DLG2: variants seen among roughly 807,000 people sequenced by gnomAD.
The protein encoded by DLG2 is disks large homolog 2.
Under a neutral mutation model 132.5 loss-of-function variants are expected in DLG2, and 45 were observed. That is an observed-to-expected ratio of 0.34 (90% CI 0.27 to 0.44). DLG2 has a LOEUF of 0.44. DLG2 is among the 20% of genes least tolerant of loss of function. The probability of loss-of-function intolerance (pLI) is 1.00; values close to 1 mark genes in which losing one functional copy is unlikely to be tolerated. For synonymous variants in DLG2, 424 were observed against 419.6 expected, an observed-to-expected ratio of 1.01 and a Z score of -0.13; for missense variants, 1,045 against 1,196.9, an observed-to-expected ratio of 0.87 and a Z score of 1.87.
intron 6 of DLG2, among the ~76,000 whole-genome samples, chr11:85,090,830 T>C (rs559089356): frequency 6.6e-6 from 1 of 152,222 alleles, no homozygotes; most frequent in Non-Finnish European, 1.5e-5. Flanking sequence ...ACTGAGTAAT[T>C]TATAAAGAAA....
At chr11:83,867,431 A>G (rs139078517) in intron 16 of DLG2, among the ~76,000 whole-genome samples, 133 of 152,216 alleles carry the variant, frequency 8.7e-4, no homozygotes, top group African/African-American at 2.8e-3. Context: ...TTCTTTTTGA[A>G]CTTTAGAGTC....
At chr11:83,787,312 GTTTTTT>G (rs67059010) in intron 17 of DLG2, among the ~76,000 whole-genome samples, 1 of 69,616 alleles carries the variant, frequency 1.4e-5, no homozygotes, top group Non-Finnish European at 2.7e-5. Context: ...CTTAAGCCTT[GTTTTTT>G]TTTTGTTTTT....
intron 7 of DLG2, among the ~76,000 whole-genome samples, chr11:84,384,653 T>C (rs1405604104): frequency 1.3e-5 from 2 of 151,984 alleles, no homozygotes; most frequent in African/African-American, 4.8e-5. Flanking sequence ...AATGACATGA[T>C]AACTATATTA....
At position 83,609,634 on chromosome 11, in the gene DLG2, A is replaced by C. The variant is rs545626381; in HGVS notation, c.1940+23577T>G. On this transcript the variant is annotated intron_variant, in intron 19 of 27. Coordinates refer to ENST00000376104, the MANE Select transcript of DLG2 (RefSeq NM_001142699.3). Reference sequence around the variant, plus strand: ...ATAAGGGCATGTGTGGGATCTTTGCATGCATCCTCCCTTCTCCCCACTCTC... The same window carrying C: ...ATAAGGGCATGTGTGGGATCTTTGCCTGCATCCTCCCTTCTCCCCACTCTC... Among the ~76,000 whole-genome samples the C allele has an allele frequency of 3.9e-5, 6 of 152,254 alleles. No individual in the cohort carries two copies. The South Asian group carries it at 1.0e-3, about 26-fold the overall frequency.
intron 2 of DLG2, among the ~76,000 whole-genome samples, chr11:85,619,154 G>A (rs2153276151): frequency 6.6e-6 from 1 of 152,226 alleles, no homozygotes; most frequent in Admixed American, 6.5e-5. Context: ...AGAGTCTATA[G>A]CTTATCCAAG....
chr11:84,733,766 T>G (rs1375481659), intron 6 of DLG2, among the ~76,000 whole-genome samples: 1 of 152,174 alleles, frequency 6.6e-6, no homozygotes, highest in African/African-American at 2.4e-5. Context: ...TTTTTATGGT[T>G]TTAGGTCTAA....
chr11:83,825,330 C>T (rs1277706071), intron 17 of DLG2, among the ~76,000 whole-genome samples: 1 of 151,384 alleles, frequency 6.6e-6, no homozygotes, highest in Non-Finnish European at 1.5e-5. Context: ...TATAGGCATG[C>T]ACCACCACGT....
intron 2 of DLG2, among the ~76,000 whole-genome samples, chr11:85,622,483 T>C (rs1326370870): frequency 6.6e-6 from 1 of 151,772 alleles, no homozygotes; most frequent in Non-Finnish European, 1.5e-5. Context: ...AAACAGAGTA[T>C]ACCCGATAAC....
intron 17 of DLG2, among the ~76,000 whole-genome samples, chr11:83,823,249 C>T (rs1325571772): frequency 3.3e-5 from 5 of 152,044 alleles, no homozygotes; most frequent in East Asian, 1.9e-4. Flanking sequence ...ACTCTTTGCA[C>T]GATTTCCCCT....
chr11:84,120,104 G>A (rs1158562471), intron 9 of DLG2, among the ~76,000 whole-genome samples: 1 of 152,138 alleles, frequency 6.6e-6, no homozygotes, highest in Non-Finnish European at 1.5e-5. Flanking sequence ...TTTCAGTGAG[G>A]TGGATATTCT....
intron 10 of DLG2, among the ~76,000 whole-genome samples, chr11:84,081,683 G>A (rs949914283): frequency 2.0e-5 from 3 of 152,216 alleles, no homozygotes; most frequent in East Asian, 1.9e-4. Context: ...ATTCCATGGT[G>A]TGTATTTGCC....
intron 3 of DLG2, among the ~76,000 whole-genome samples, chr11:85,347,763 C>T (rs1202386868): frequency 1.3e-5 from 2 of 150,992 alleles, no homozygotes; most frequent in Non-Finnish European, 2.9e-5. Flanking sequence ...TGACTTTTTC[C>T]CCCTATCAAG....
At chr11:84,169,404 T>G (rs745323303) in intron 8 of DLG2, among the ~76,000 whole-genome samples, 6 of 152,200 alleles carry the variant, frequency 3.9e-5, no homozygotes, top group Non-Finnish European at 5.9e-5. Flanking sequence ...TACTGAATGT[T>G]TGCTAATTTC....
rs1247592493 is a variant in DLG2, at chr11:83,658,477, AAC to A, written c.1826-25154_1826-25153del. On this transcript the variant is annotated intron_variant, in intron 18 of 27. Transcript: ENST00000376104. The stretch of plus-strand genomic sequence containing the variant: ...GCTTCACAGAATGACAATGATAATA[AAC>A]AGTTATTCTTAGTAGCTAAAGTATA... Among the ~76,000 whole-genome samples, 3 of 152,364 alleles carry A rather than the reference AAC, an allele frequency of 2.0e-5. No individual in the cohort carries two copies. In the East Asian group the frequency reaches 5.8e-4, roughly 29 times the overall value.
chr11:83,948,191 T>C (rs1277530515), intron 14 of DLG2, among the ~76,000 whole-genome samples: 1 of 152,202 alleles, frequency 6.6e-6, no homozygotes, highest in Non-Finnish European at 1.5e-5. Flanking sequence ...AATCTCAGGC[T>C]CCAATGGATC....
Position 83,458,086 on chromosome 11 carries a change from A to G in DLG2, c.*1732T>C, listed in dbSNP as rs2089283496. ...TCTCTTGCTCTCCTACCCAGCCTAC[A>G]TGCTGGTTTGCTGCACAGTGTGGCA... On this transcript the variant is annotated 3_prime_UTR_variant, in exon 28 of 28. Coordinates refer to ENST00000376104, the MANE Select transcript of DLG2 (RefSeq NM_001142699.3). 6.6e-6 allele frequency: 1 copy of G among 152,610 alleles called. No individual in the cohort carries two copies. The highest frequency in any genetic ancestry group is 2.4e-5 in the African/African-American group (1 of 41,428). 9.5% of individuals were successfully genotyped at this position (152,610 alleles called of 1,614,324 possible).
intron 3 of DLG2, among the ~76,000 whole-genome samples, chr11:85,364,150 A>G (rs955535375): frequency 1.6e-4 from 24 of 152,224 alleles, no homozygotes; most frequent in African/African-American, 5.5e-4. Context: ...ACTTATAGAA[A>G]AAAAATCACT....
intron 7 of DLG2, among the ~76,000 whole-genome samples, chr11:84,280,284 TAAC>T (rs2097840288): frequency 6.8e-6 from 1 of 147,008 alleles, no homozygotes; most frequent in South Asian, 2.2e-4. Flanking sequence ...TTTGAAATAT[TAAC>T]AACTTAGGGA....
intron 6 of DLG2, among the ~76,000 whole-genome samples, chr11:84,592,769 C>G (rs1010387714): frequency 1.3e-5 from 2 of 150,848 alleles, no homozygotes; most frequent in African/African-American, 4.9e-5. Context: ...CAATGAGATA[C>G]CATCTCATGC....
Sources: allele counts gnomAD v4.1 joint callset (sites outside exome capture counted in the v4.1 genomes callset), GRCh38; gene constraint gnomAD v4.1.1; transcripts MANE v1.5; gene names NCBI Gene and HGNC (gene_info 2026-07-23, HGNC 2026-07-21).